Variants in NOS1 observed in about 807,000 individuals in gnomAD.
The protein encoded by NOS1 is nitric oxide synthase 1, also known as NOS type I.
In NOS1, 51 loss-of-function variants were observed where a neutral mutation model predicts 164.5. The ratio of observed to expected loss-of-function variants is 0.31; its 90% CI spans 0.25 to 0.39. The LOEUF is 0.39. Ranked by LOEUF, NOS1 falls within the 10% of genes least tolerant of loss-of-function variation. The pLI, the probability that NOS1 is intolerant of heterozygous loss-of-function variation, is 1.00. For missense variants in NOS1, 1,362 were observed against 1,885.6 expected, an observed-to-expected ratio of 0.72 and a Z score of 5.14; for synonymous variants, 719 against 745.8, an observed-to-expected ratio of 0.96 and a Z score of 0.59.
intron 3 of NOS1, among the ~76,000 whole-genome samples, chr12:117,298,596 G>A (rs781094511): frequency 1.3e-5 from 2 of 152,152 alleles, no homozygotes; most frequent in Non-Finnish European, 2.9e-5. Flanking sequence ...TAAAAACGAG[G>A]TCATCAGCAT....
At position 117,307,952 on chromosome 12, in the gene NOS1, T is replaced by C. The variant is rs1489494518; in HGVS notation, c.852+3514A>G. ...ATTGCTTGAACCCAGGAGGCGGAGGTTGCAGTGAGCAGAGACAGCACCAGA... is the reference window on the plus strand; with the variant it reads ...ATTGCTTGAACCCAGGAGGCGGAGGCTGCAGTGAGCAGAGACAGCACCAGA... On this transcript the variant is annotated intron_variant, in intron 3 of 28. Coordinates refer to ENST00000317775, the MANE Select transcript of NOS1 (RefSeq NM_000620.5). Among the ~76,000 whole-genome samples, 4 of 149,090 alleles carry C rather than the reference T, an allele frequency of 2.7e-5. No individual in the cohort carries two copies. The East Asian group carries it at 8.0e-4, about 30-fold the overall frequency.
intron 21 of NOS1, among the ~76,000 whole-genome samples, chr12:117,232,443 T>C (rs1287199913): frequency 6.6e-6 from 1 of 152,228 alleles, no homozygotes; most frequent in Non-Finnish European, 1.5e-5. Flanking sequence ...GTGACAGAGA[T>C]AAGCCTATTT....
At chr12:117,341,043 T>C (rs567553502) in intron 1 of NOS1, among the ~76,000 whole-genome samples, 226 of 152,124 alleles carry the variant, frequency 1.5e-3, no homozygotes, top group African/African-American at 5.0e-3. Context: ...ACGTTTTCTA[T>C]GTTATTACAA....
intron 2 of NOS1, among the ~76,000 whole-genome samples, chr12:117,319,811 G>A (rs1000165421): frequency 6.6e-6 from 1 of 152,192 alleles, no homozygotes; most frequent in Non-Finnish European, 1.5e-5. Flanking sequence ...GAGGTGGAAT[G>A]GGGTAGTTCC....
chr12:117,267,911 C>T, intron 11 of NOS1, 132 bp downstream of exon 11: 1 of 636,608 alleles, frequency 1.6e-6, no homozygotes, highest in South Asian at 2.0e-5. Context: ...GGAAGCTAGA[C>T]CATACTCATG....
intron 16 of NOS1, chr12:117,256,061 C>T (rs372039282): frequency 1.6e-6 from 2 of 1,270,852 alleles, no homozygotes; most frequent in East Asian, 2.8e-5. Context: ...TCGATGGTGC[C>T]CTATCTCTCC....
Position 117,232,028 on chromosome 12 carries a change from C to T in NOS1, c.3339G>A (p.Gln1113=). The T allele has an allele frequency of 6.2e-7, 1 of 1,612,774 alleles. No homozygotes were observed. Among genetic ancestry groups the T allele is most frequent in the Non-Finnish European group, 8.5e-7 (1 of 1,180,012 alleles). The change falls in exon 22 of 29, where the codon CAG becomes CAA. Residue 1113 remains glutamine (Q), a synonymous_variant. Coordinates refer to ENST00000317775, the MANE Select transcript of NOS1 (RefSeq NM_000620.5). ...LDITTPPTPL[Q]LQQFASLATS... ...TAGCTAGGGAGGCAAACTGCTGCAG[C>T]TGCAGAGGCGTTGGTGGCGTGGTGA... is the stretch of plus-strand genomic sequence containing the variant.
Position 117,213,742 on chromosome 12 carries a change from C to T in NOS1, c.*1567G>A, listed in dbSNP as rs1956562612. 1.0e-6 allele frequency: 1 copy of T among 985,454 alleles called. No homozygotes were observed. Among genetic ancestry groups the T allele is most frequent in the Admixed American group, 6.1e-5 (1 of 16,286 alleles). The allele number at this position is 985,454 out of a possible 1,614,324, so 61.0% of individuals were successfully genotyped here. A position where few individuals can be genotyped will look rare whatever the true frequency, so the allele number is the denominator to read the frequency against. On this transcript the variant is annotated 3_prime_UTR_variant, in exon 29 of 29. Transcript: ENST00000317775. ...AACAAACAGGGTAGAACCAGCAGAA[C>T]ATTCCCTTTCCATCCTTGGGGACCC...
At chr12:117,228,170 G>A (rs893072984) in intron 22 of NOS1, among the ~76,000 whole-genome samples, 8 of 152,088 alleles carry the variant, frequency 5.3e-5, no homozygotes, top group African/African-American at 7.2e-5. Flanking sequence ...CACTTGAATC[G>A]CAATTATTCT....
At chr12:117,244,189 T>A (rs143051174) in intron 18 of NOS1, among the ~76,000 whole-genome samples, 1 of 152,210 alleles carries the variant, frequency 6.6e-6, no homozygotes, top group Admixed American at 6.5e-5. Flanking sequence ...TTCTTTTTTT[T>A]TTTTGGTCAA....
chr12:117,266,020 C>T lies in NOS1; in HGVS notation c.1942-510G>A, dbSNP rs1294708969. On this transcript the variant is annotated intron_variant, in intron 11 of 28. Coordinates refer to ENST00000317775, the MANE Select transcript of NOS1 (RefSeq NM_000620.5). Reference sequence around the variant, plus strand: ...TTCACCGTGTTAGCCAGGATGGTCTCGATCTCCTGACCTCGTGATCCACCC... The same window carrying T: ...TTCACCGTGTTAGCCAGGATGGTCTTGATCTCCTGACCTCGTGATCCACCC... Among the ~76,000 whole-genome samples, 4 of 151,462 alleles carry T rather than the reference C, an allele frequency of 2.6e-5. No homozygotes were observed. The East Asian group carries it at 5.8e-4, about 22-fold the overall frequency.
chr12:117,209,134 T>A lies in NOS1; in HGVS notation c.*6175A>T, dbSNP rs1318850007. On this transcript the variant is annotated 3_prime_UTR_variant, in exon 29 of 29. Transcript: ENST00000317775. ...AACAACCACTGGGCTAGGCAAAGTT[T>A]CTGCTGCGTGCTCCAGGAAATCTAT... 1 of 985,336 alleles carries A rather than the reference T, an allele frequency of 1.0e-6. No homozygotes were observed. Among genetic ancestry groups the A allele is most frequent in the Non-Finnish European group, 1.2e-6 (1 of 829,972 alleles). 61.0% of individuals were successfully genotyped at this position (985,336 alleles called of 1,614,324 possible).
chr12:117,340,873 ATTTTT>A (rs56322341), intron 1 of NOS1, among the ~76,000 whole-genome samples: 4 of 104,480 alleles, frequency 3.8e-5, no homozygotes, highest in African/African-American at 8.0e-5. Context: ...ACACCTGGCT[ATTTTT>A]TTTTTTTTTT....
rs1366071950 is a variant in NOS1, at chr12:117,267,415, C to T, written c.1941+628G>A. On this transcript the variant is annotated intron_variant, in intron 11 of 28. Transcript: ENST00000317775. ...CAGCCTGGCCAACATGGTGAAACCCCACCTCTACTAAAAATACAAAAATTA... is the reference window on the plus strand; with the variant it reads ...CAGCCTGGCCAACATGGTGAAACCCTACCTCTACTAAAAATACAAAAATTA... 3.3e-5 allele frequency among the ~76,000 whole-genome samples: 5 copies of T among 152,220 alleles called. No homozygotes were observed. In the South Asian group the frequency reaches 1.0e-3, roughly 32 times the overall value.
intron 7 of NOS1, among the ~76,000 whole-genome samples, chr12:117,281,617 C>T (rs748525418): frequency 1.3e-5 from 2 of 150,892 alleles, no homozygotes; most frequent in African/African-American, 2.4e-5. Context: ...AGGCGGATCA[C>T]GAGGACAAGA....
chr12:117,230,390 G>T (rs1286593607), intron 22 of NOS1, among the ~76,000 whole-genome samples: 1 of 152,128 alleles, frequency 6.6e-6, no homozygotes, highest in Admixed American at 6.5e-5. Flanking sequence ...AAAAATAATG[G>T]TCTCCTGTTC....
chr12:117,226,344 C>G (rs1319452749), intron 24 of NOS1, among the ~76,000 whole-genome samples: 1 of 152,120 alleles, frequency 6.6e-6, no homozygotes, highest in Non-Finnish European at 1.5e-5. Context: ...TGGGAGCGAG[C>G]AGTAGAATTT....
rs531511970 is a variant in NOS1 at position 117,316,254 on chromosome 12, C to T, written c.726-4662G>A. Among the ~76,000 whole-genome samples, 128 of 152,142 alleles carry T rather than the reference C, an allele frequency of 8.4e-4. 3 individuals carry two copies. The South Asian group carries it at 0.026, about 31-fold the overall frequency. ...CATCTTTGCTGGGGGCTGGGGCACA[C>T]GTGGGGAAGTCTACACTCAGATACT... On this transcript the variant is annotated intron_variant, in intron 2 of 28. Coordinates refer to ENST00000317775, the MANE Select transcript of NOS1 (RefSeq NM_000620.5).
chr12:117,257,642 G>A (rs536304756), intron 16 of NOS1, among the ~76,000 whole-genome samples: 1 of 123,090 alleles, frequency 8.1e-6, no homozygotes, highest in Admixed American at 1.0e-4. Flanking sequence ...TGACAGGTCT[G>A]GCTGTTCAGG....
Sources: allele counts gnomAD v4.1 joint callset (sites outside exome capture counted in the v4.1 genomes callset), GRCh38; gene constraint gnomAD v4.1.1; transcripts MANE v1.5; gene names NCBI Gene and HGNC (gene_info 2026-07-23, HGNC 2026-07-21).